Variants in KIF26B observed in about 807,000 individuals in gnomAD.
KIF26B encodes the protein kinesin family member 26B, also known as kinesin-like protein KIF26B.
In KIF26B, 63 loss-of-function variants were observed where a neutral mutation model predicts 151.2. That is an observed-to-expected ratio of 0.42 (90% CI 0.34 to 0.51). The LOEUF (loss-of-function observed/expected upper bound fraction) is 0.51, where lower values mean the gene tolerates loss of function less well. Among genes scored for constraint, KIF26B ranks in the 20% least tolerant of loss-of-function variants. The pLI, the probability that KIF26B is intolerant of heterozygous loss-of-function variation, is 0.07. For missense variants in KIF26B, 2,813 were observed against 2,913.6 expected (o/e 0.97, Z 0.79); for synonymous variants, 1,357 against 1,262.1 (o/e 1.08, Z -1.59).
intron 9 of KIF26B, among the ~76,000 whole-genome samples, chr1:245,620,477 G>A (rs1419787887): frequency 6.6e-6 from 1 of 152,056 alleles, no homozygotes; most frequent in Non-Finnish European, 1.5e-5. Flanking sequence ...TTGGCTCACT[G>A]CAACCTCTGC....
intron 3 of KIF26B, among the ~76,000 whole-genome samples, chr1:245,382,256 A>G (rs1410573335): frequency 3.9e-5 from 6 of 152,064 alleles, no homozygotes; most frequent in Non-Finnish European, 7.4e-5. Flanking sequence ...AGCCATCCTA[A>G]TGGGTGTGAG....
intron 9 of KIF26B, among the ~76,000 whole-genome samples, chr1:245,614,462 C>T (rs559583004): frequency 5.9e-5 from 9 of 152,218 alleles, no homozygotes; most frequent in South Asian, 4.1e-4. Context: ...CGTGAGCCAC[C>T]GCACCTGGCC....
intron 5 of KIF26B, among the ~76,000 whole-genome samples, chr1:245,549,698 T>C (rs1367079758): frequency 6.6e-6 from 1 of 152,154 alleles, no homozygotes; most frequent in Non-Finnish European, 1.5e-5. Context: ...GAATTGTTCG[T>C]ATCAAATAGA....
chr1:245,184,076 T>G (rs1308456811), intron 2 of KIF26B, among the ~76,000 whole-genome samples: 1 of 145,122 alleles, frequency 6.9e-6, no homozygotes, highest in African/African-American at 2.5e-5. Flanking sequence ...TTTTGAGCTT[T>G]CTTAAGTATA....
rs2044834607 is a variant in KIF26B, at chr1:245,705,872, T to C, written c.*3266T>C. The C allele has an allele frequency of 6.6e-6, 1 of 152,182 alleles. No homozygotes were observed. Among genetic ancestry groups the C allele is most frequent in the Non-Finnish European group, 1.5e-5 (1 of 68,024 alleles). The allele number at this position is 152,182 out of a possible 1,614,324, so 9.4% of individuals were successfully genotyped here. On this transcript the variant is annotated 3_prime_UTR_variant, in exon 15 of 15. Coordinates refer to ENST00000407071, the MANE Select transcript of KIF26B (RefSeq NM_018012.4). ...TGTTGTCCTTGAATTCCCCTCTACATCACGAGGAAGCTGTCTCTTTCATCT... is the reference window on the plus strand; with the variant it reads ...TGTTGTCCTTGAATTCCCCTCTACACCACGAGGAAGCTGTCTCTTTCATCT...
rs988360028 is a variant in KIF26B, at chr1:245,685,318, G to T, written c.2422-87G>T. 1.3e-5 allele frequency: 15 copies of T among 1,135,320 alleles called. No homozygotes were observed. The African/African-American group carries it at 2.3e-4, about 18-fold the overall frequency. The allele number at this position is 1,135,320 out of a possible 1,614,324, so 70.3% of individuals were successfully genotyped here. On this transcript the variant is annotated intron_variant, in intron 11 of 14. Coordinates refer to ENST00000407071, the MANE Select transcript of KIF26B (RefSeq NM_018012.4). ...GGCTGTCAGTAGCCTGTGTCGTCAG[G>T]GGCCTTCACCACTTGCCGCGCACAG...
chr1:245,581,303 A>C (rs1289782977), intron 5 of KIF26B, among the ~76,000 whole-genome samples: 2 of 152,224 alleles, frequency 1.3e-5, no homozygotes, highest in African/African-American at 4.8e-5. Flanking sequence ...TTTTTTCCCA[A>C]GTTCCAACCA....
chr1:245,474,002 CCTTT>C lies in KIF26B; in HGVS notation c.1166+54262_1166+54265del, dbSNP rs953194746. ...GATACCCATTACCTTAAATATTTCC[CCTTT>C]CTTTATGCTAGAAACATTTGAGTTC... On this transcript the variant is annotated intron_variant, in intron 4 of 14. Transcript: ENST00000407071. 4.3e-4 allele frequency among the ~76,000 whole-genome samples: 66 copies of C among 151,902 alleles called. 1 individual carries two copies. Among genetic ancestry groups the C allele is most frequent in the African/African-American group, 1.5e-3 (64 of 41,504 alleles).
At chr1:245,171,652 C>A (rs557570144) in intron 2 of KIF26B, among the ~76,000 whole-genome samples, 1 of 152,296 alleles carries the variant, frequency 6.6e-6, no homozygotes, top group East Asian at 1.9e-4. Flanking sequence ...GGAACTTCAG[C>A]ATATTCTTTT....
Position 245,602,525 on chromosome 1 carries a change from G to A in KIF26B, c.1351-52G>A, listed in dbSNP as rs2043407479. On this transcript the variant is annotated intron_variant, in intron 5 of 14. Transcript: ENST00000407071. The surrounding 1 kb of genome is among the most constrained non-coding windows in gnomAD (Gnocchi z 4.5). ...GCAGAGTATACAAGGGTGCTCCATC[G>A]TAAAACACCCAGCTGTCTTCATCCA... is the stretch of plus-strand genomic sequence containing the variant. 6 of 1,478,188 alleles carry A rather than the reference G, an allele frequency of 4.1e-6. No individual in the cohort carries two copies. Among genetic ancestry groups the A allele is most frequent in the Admixed American group, 1.9e-5 (1 of 51,464 alleles). 91.6% of individuals were successfully genotyped at this position (1,478,188 alleles called of 1,614,324 possible). A position where few individuals can be genotyped will look rare whatever the true frequency, so the allele number is the denominator to read the frequency against.
intron 3 of KIF26B, among the ~76,000 whole-genome samples, chr1:245,402,843 C>T (rs567748076): frequency 3.9e-5 from 6 of 152,158 alleles, no homozygotes; most frequent in Non-Finnish European, 8.8e-5. Flanking sequence ...GGTTTAGATT[C>T]TAGACTTTAG....
chr1:245,345,056 C>A (rs1216067687), intron 2 of KIF26B, among the ~76,000 whole-genome samples: 1 of 152,072 alleles, frequency 6.6e-6, no homozygotes, highest in Non-Finnish European at 1.5e-5. Context: ...TGAGCTATTC[C>A]CCAGCAGCAA....
intron 4 of KIF26B, among the ~76,000 whole-genome samples, chr1:245,492,874 G>A (rs558186207): frequency 3.9e-5 from 6 of 152,134 alleles, no homozygotes; most frequent in African/African-American, 9.6e-5. Context: ...TCTGCCTCCC[G>A]GGTTCAAGCG....
At chr1:245,690,743 G>T (rs188494873) in intron 12 of KIF26B, among the ~76,000 whole-genome samples, 5 of 151,704 alleles carry the variant, frequency 3.3e-5, no homozygotes, top group African/African-American at 9.7e-5. Flanking sequence ...ATTTGCCTGG[G>T]GGGGGGGTAT....
At chr1:245,659,242 AAAT>A (rs1231721027) in intron 10 of KIF26B, among the ~76,000 whole-genome samples, 3 of 152,312 alleles carry the variant, frequency 2.0e-5, no homozygotes, top group East Asian at 3.9e-4. Flanking sequence ...TGTCTCAAAA[AAAT>A]AATAATGATG....
chr1:245,569,880 T>C (rs1180762620), intron 5 of KIF26B, among the ~76,000 whole-genome samples: 1 of 141,580 alleles, frequency 7.1e-6, no homozygotes, highest in Non-Finnish European at 1.5e-5. Context: ...TTTTTTTTAA[T>C]GATCACTTAT....
rs1474613479 is a variant in KIF26B, at chr1:245,488,322, A to G, written c.1167-52445A>G. Among the ~76,000 whole-genome samples, 1 of 152,150 alleles carries G rather than the reference A, an allele frequency of 6.6e-6. No homozygotes were observed. The highest frequency in any genetic ancestry group is 1.5e-5 in the Non-Finnish European group (1 of 68,020). On this transcript the variant is annotated intron_variant, in intron 4 of 14. Transcript: ENST00000407071. The surrounding 1 kb of genome is among the most constrained non-coding windows in gnomAD (Gnocchi z 4.6). ...ATCCTCTAACCATATGGGGAAAAAA[A>G]AAAATCAGCAACAACTTTGTACCCA...
At position 245,227,309 on chromosome 1, in the gene KIF26B, T is replaced by A. The variant is rs1669896189; in HGVS notation, c.465+70626T>A. ...CAGCCAGAGGATTTCAAGTCTATAA[T>A]GTTGCTAAAATTAGCAGTGTAACAA... is the stretch of plus-strand genomic sequence containing the variant. On this transcript the variant is annotated intron_variant, in intron 2 of 14. Transcript: ENST00000407071. The surrounding 1 kb of genome is among the most constrained non-coding windows in gnomAD (Gnocchi z 4.1). 6.6e-6 allele frequency among the ~76,000 whole-genome samples: 1 copy of A among 152,206 alleles called. No homozygotes were observed. Among genetic ancestry groups the A allele is most frequent in the African/African-American group, 2.4e-5 (1 of 41,450 alleles).
rs1486155276 is a variant in KIF26B at position 245,706,018 on chromosome 1, C to T, written c.*3412C>T. 1 of 152,300 alleles carries T rather than the reference C, an allele frequency of 6.6e-6. No homozygotes were observed. Among genetic ancestry groups the T allele is most frequent in the Non-Finnish European group, 1.5e-5 (1 of 68,040 alleles). The allele number at this position is 152,300 out of a possible 1,614,324, so 9.4% of individuals were successfully genotyped here. A position where few individuals can be genotyped will look rare whatever the true frequency, so the allele number is the denominator to read the frequency against. On this transcript the variant is annotated 3_prime_UTR_variant, in exon 15 of 15. Transcript: ENST00000407071. ...GTCCTGTCTTGACAAAGGTGGGAAC[C>T]CCTGAGCTGGAGAAGGGGCTCCTCT... is the stretch of plus-strand genomic sequence containing the variant.
Sources: allele counts gnomAD v4.1 joint callset (sites outside exome capture counted in the v4.1 genomes callset), GRCh38; gene constraint gnomAD v4.1.1; non-coding constraint Gnocchi (gnomAD v3.1); transcripts MANE v1.5; gene names NCBI Gene and HGNC (gene_info 2026-07-23, HGNC 2026-07-21).